The following LRRTM4 variants were observed in gnomAD, a reference collection of about 807,000 sequenced individuals.
The protein encoded by LRRTM4 is leucine-rich repeat transmembrane neuronal protein 4.
A neutral mutation model predicts 47.6 loss-of-function variants in LRRTM4; 25 were observed. That is an observed-to-expected ratio of 0.53 (90% CI 0.38 to 0.73). The LOEUF is 0.73. LRRTM4 is among the 30% of genes least tolerant of loss of function. LRRTM4 has a pLI of 0.00. For synonymous variants in LRRTM4, 311 were observed against 269.5 expected (o/e 1.15, Z -1.51); for missense variants, 638 against 713.4 (o/e 0.89, Z 1.20).
At chr2:76,767,822 G>C (rs1478152673) in intron 3 of LRRTM4, among the ~76,000 whole-genome samples, 1 of 151,832 alleles carries the variant, frequency 6.6e-6, no homozygotes, top group African/African-American at 2.4e-5. Flanking sequence ...ATGCAGGTTT[G>C]TCTCTGGCAC....
chr2:77,035,304 G>T (rs1321269077), intron 3 of LRRTM4, among the ~76,000 whole-genome samples: 1 of 151,034 alleles, frequency 6.6e-6, no homozygotes, highest in East Asian at 1.9e-4. Context: ...GAAGAATCCT[G>T]TATATATTTA....
chr2:77,367,567 T>C (rs1175390569), intron 3 of LRRTM4, among the ~76,000 whole-genome samples: 1 of 151,898 alleles, frequency 6.6e-6, no homozygotes, highest in Non-Finnish European at 1.5e-5. Flanking sequence ...CAATTCCCTT[T>C]ACTCTTGGAA....
chr2:77,415,608 T>C (rs747946722), intron 3 of LRRTM4, among the ~76,000 whole-genome samples: 4 of 152,198 alleles, frequency 2.6e-5, no homozygotes, highest in Non-Finnish European at 5.9e-5. Flanking sequence ...TGCTCCCATC[T>C]ATTTGCCTGT....
intron 3 of LRRTM4, among the ~76,000 whole-genome samples, chr2:77,066,979 TG>T (rs1426351424): frequency 1.3e-5 from 2 of 152,186 alleles, no homozygotes; most frequent in East Asian, 3.9e-4. Context: ...ATGGGGGAAG[TG>T]CCAAACTCCA....
intron 3 of LRRTM4, among the ~76,000 whole-genome samples, chr2:77,217,154 A>T (rs1020125745): frequency 1.3e-5 from 2 of 151,016 alleles, no homozygotes; most frequent in Non-Finnish European, 2.9e-5. Flanking sequence ...CCAGGCACTT[A>T]TATCTTTCTC....
chr2:77,292,995 A>T (rs905737215), intron 3 of LRRTM4, among the ~76,000 whole-genome samples: 5 of 151,976 alleles, frequency 3.3e-5, no homozygotes, highest in South Asian at 2.1e-4. Context: ...ATAATAAAAA[A>T]ATATATATAC....
intron 3 of LRRTM4, among the ~76,000 whole-genome samples, chr2:76,837,732 T>G (rs948095154): frequency 1.1e-4 from 16 of 152,240 alleles, no homozygotes; most frequent in Admixed American, 4.6e-4. Context: ...GTGGCACATA[T>G]ACACCATGGA....
chr2:76,974,129 C>T (rs1387074142), intron 3 of LRRTM4, among the ~76,000 whole-genome samples: 1 of 128,162 alleles, frequency 7.8e-6, no homozygotes, highest in Non-Finnish European at 1.6e-5. Context: ...AACACATTTG[C>T]TCATATATAT....
At chr2:76,759,423 C>A (rs1013108193) in intron 3 of LRRTM4, among the ~76,000 whole-genome samples, 7 of 152,080 alleles carry the variant, frequency 4.6e-5, no homozygotes, top group Non-Finnish European at 1.0e-4. Flanking sequence ...CTATTCAGGT[C>A]ATTTAGATCA....
At chr2:77,179,550 A>G (rs968408193) in intron 3 of LRRTM4, among the ~76,000 whole-genome samples, 1 of 152,124 alleles carries the variant, frequency 6.6e-6, no homozygotes, top group Non-Finnish European at 1.5e-5. Flanking sequence ...TTTCAAGAAG[A>G]CTGTGTGGAT....
chr2:77,371,117 T>A (rs372526841), intron 3 of LRRTM4, among the ~76,000 whole-genome samples: 19 of 151,772 alleles, frequency 1.3e-4, no homozygotes, highest in African/African-American at 4.6e-4. Flanking sequence ...ATGGTCAACT[T>A]ACATATGTGA....
chr2:77,336,635 T>C (rs1671178869), intron 3 of LRRTM4, among the ~76,000 whole-genome samples: 1 of 152,132 alleles, frequency 6.6e-6, no homozygotes, highest in South Asian at 2.1e-4. Flanking sequence ...TCTCAGTAGA[T>C]GGAGAAAAAG....
At chr2:77,128,169 G>A (rs1325184885) in intron 3 of LRRTM4, among the ~76,000 whole-genome samples, 1 of 151,158 alleles carries the variant, frequency 6.6e-6, no homozygotes, top group African/African-American at 2.4e-5. Context: ...CAAAACAAAT[G>A]TTTTTAAGCC....
At chr2:77,107,880 T>C (rs942370799) in intron 3 of LRRTM4, among the ~76,000 whole-genome samples, 1 of 149,848 alleles carries the variant, frequency 6.7e-6, no homozygotes, top group Non-Finnish European at 1.5e-5. Context: ...CTATTCTGTA[T>C]AGCTCTTGGT....
intron 3 of LRRTM4, among the ~76,000 whole-genome samples, chr2:76,853,930 T>C (rs993082215): frequency 6.6e-6 from 1 of 152,170 alleles, no homozygotes; most frequent in Non-Finnish European, 1.5e-5. Flanking sequence ...GTTGTGGATA[T>C]TGTTTAAAAT....
chr2:76,835,272 G>C (rs1671476713), intron 3 of LRRTM4, among the ~76,000 whole-genome samples: 1 of 149,626 alleles, frequency 6.7e-6, no homozygotes, highest in Non-Finnish European at 1.5e-5. Context: ...ATAGCCCTGA[G>C]AGAAAAAAAC....
At chr2:76,877,960 T>G (rs1310397234) in intron 3 of LRRTM4, among the ~76,000 whole-genome samples, 8 of 152,138 alleles carry the variant, frequency 5.3e-5, no homozygotes, top group African/African-American at 1.4e-4. Flanking sequence ...GTGCTTCACT[T>G]TATTGTGGTT....
chr2:77,518,983 T>A lies in LRRTM4; in HGVS notation c.886A>T (p.Thr296Ser). 1 of 1,611,964 alleles carries A rather than the reference T, an allele frequency of 6.2e-7. No individual in the cohort carries two copies. The highest frequency in any genetic ancestry group is 1.7e-5 in the Admixed American group (1 of 59,662). Residue 296 changes from threonine to serine, a missense_variant, in exon 3 of 4, where the codon ACT (threonine) becomes TCT (serine). Thr to Ser is a moderately conservative substitution (Grantham distance 58). Transcript: ENST00000409884. ...ATTAATGATATCCACGCATTGACAG[T>A]TTCCTGTGAGATATTGGTGAGCTTG... ...SNKLTNISQE[T>S]VNAWISLISI...
intron 3 of LRRTM4, among the ~76,000 whole-genome samples, chr2:77,431,931 G>T (rs187912070): frequency 4.6e-5 from 7 of 151,676 alleles, no homozygotes; most frequent in African/African-American, 1.7e-4. Flanking sequence ...AAAATTAGCC[G>T]GGCATGGTGG....
Sources: allele counts gnomAD v4.1 joint callset (sites outside exome capture counted in the v4.1 genomes callset), GRCh38; gene constraint gnomAD v4.1.1; transcripts MANE v1.5; gene names NCBI Gene and HGNC (gene_info 2026-07-23, HGNC 2026-07-21).